Variants in SPIDR observed in about 807,000 individuals in gnomAD.
SPIDR encodes the protein DNA repair-scaffolding protein.
SPIDR carries 93 observed loss-of-function variants against 104.6 expected under a neutral mutation model. The observed-to-expected ratio is 0.89, with a 90% CI of 0.75 to 1.06. SPIDR has a LOEUF of 1.06. Among genes scored for constraint, SPIDR ranks in the 50% least tolerant of loss-of-function variants. SPIDR has a pLI of 0.00. For synonymous variants in SPIDR, 431 were observed against 416.9 expected (o/e 1.03, Z -0.41); for missense variants, 1,154 against 1,111.2 (o/e 1.04, Z -0.55).
intron 8 of SPIDR, among the ~76,000 whole-genome samples, chr8:47,466,690 G>A (rs568691878): frequency 1.0e-4 from 15 of 145,152 alleles, no homozygotes; most frequent in Admixed American, 2.0e-4. Context: ...GTGAAACCCC[G>A]TCTCTACGAA....
At chr8:47,486,965 ACAT>A (rs782070957) in intron 8 of SPIDR, among the ~76,000 whole-genome samples, 10 of 152,222 alleles carry the variant, frequency 6.6e-5, no homozygotes, top group Admixed American at 1.3e-4. Flanking sequence ...TAACCAGCTA[ACAT>A]CATAATGACA....
At chr8:47,280,284 C>T (rs1484681812) in intron 2 of SPIDR, among the ~76,000 whole-genome samples, 1 of 151,088 alleles carries the variant, frequency 6.6e-6, no homozygotes, top group Non-Finnish European at 1.5e-5. Context: ...CACTTTGTTG[C>T]CCAGGCTGGA....
intron 19 of SPIDR, among the ~76,000 whole-genome samples, chr8:47,733,264 G>A (rs1253355995): frequency 6.6e-6 from 1 of 152,170 alleles, no homozygotes; most frequent in African/African-American, 2.4e-5. Flanking sequence ...GTGCGCACCT[G>A]TAATCCCAGC....
At chr8:47,514,714 A>G (rs926481097) in intron 8 of SPIDR, among the ~76,000 whole-genome samples, 1 of 152,196 alleles carries the variant, frequency 6.6e-6, no homozygotes, top group Non-Finnish European at 1.5e-5. Flanking sequence ...TAAGGGAAAT[A>G]TAAGTATTTA....
intron 16 of SPIDR, among the ~76,000 whole-genome samples, chr8:47,715,085 AC>A (rs1202664980): frequency 6.9e-6 from 1 of 143,896 alleles, no homozygotes; most frequent in African/African-American, 2.6e-5. Context: ...GTTACCACCC[AC>A]CCTCCCACAC....
At chr8:47,691,846 G>A (rs948759613) in intron 11 of SPIDR, among the ~76,000 whole-genome samples, 2 of 152,172 alleles carry the variant, frequency 1.3e-5, no homozygotes, top group South Asian at 2.1e-4. Context: ...AAAAGGAAGC[G>A]CAACCACTCC....
chr8:47,321,573 G>T (rs986553282), intron 5 of SPIDR, among the ~76,000 whole-genome samples: 14 of 151,998 alleles, frequency 9.2e-5, no homozygotes, highest in East Asian at 1.9e-4. Flanking sequence ...ATGACTTTCT[G>T]CACAGAATTG....
chr8:47,386,902 G>GAGATATAT (rs2059985833), intron 5 of SPIDR, among the ~76,000 whole-genome samples: 2 of 99,336 alleles, frequency 2.0e-5, no homozygotes, highest in South Asian at 3.1e-4. Context: ...AAGAGAGAGA[G>GAGATATAT]AGATATAGAT....
Position 47,599,058 on chromosome 8 carries a change from T to C in SPIDR, c.1406T>C (p.Val469Ala). The change falls in exon 10 of 20, where the codon GTG becomes GCG. Residue 469 changes from valine (V) to alanine (A), a missense_variant. Transcript: ENST00000297423. The part of the protein sequence containing the change: ...TPLRDSLLDV[V>A]ESQGAASWPG... ...CTGAGGGATTCTCTCCTGGATGTGGTGGAAAGCCAGGGAGCTGCCTCGTGG... is the reference window on the plus strand; with the variant it reads ...CTGAGGGATTCTCTCCTGGATGTGGCGGAAAGCCAGGGAGCTGCCTCGTGG... 1 of 1,612,930 alleles carries C rather than the reference T, an allele frequency of 6.2e-7. No homozygotes were observed. The highest frequency in any genetic ancestry group is 8.5e-7 in the Non-Finnish European group (1 of 1,179,452).
At chr8:47,444,327 G>A (rs959624292) in intron 8 of SPIDR, among the ~76,000 whole-genome samples, 3 of 152,176 alleles carry the variant, frequency 2.0e-5, no homozygotes, top group Non-Finnish European at 4.4e-5. Flanking sequence ...CAGGTGAGAG[G>A]TTAAGTGTGT....
chr8:47,632,604 G>A (rs527399122), intron 10 of SPIDR, among the ~76,000 whole-genome samples: 2 of 151,752 alleles, frequency 1.3e-5, no homozygotes, highest in African/African-American at 4.8e-5. Flanking sequence ...AAAGAATGTC[G>A]GCAAACTCTA....
intron 8 of SPIDR, among the ~76,000 whole-genome samples, chr8:47,564,320 G>A (rs1175438225): frequency 6.6e-6 from 1 of 151,874 alleles, no homozygotes; most frequent in African/African-American, 2.4e-5. Context: ...TTTGTGATCT[G>A]CCCGGCTCAG....
intron 9 of SPIDR, among the ~76,000 whole-genome samples, 167 bp from the exon 10 acceptor site, chr8:47,598,779 T>C (rs2061914530): frequency 1.3e-5 from 2 of 152,204 alleles, no homozygotes; most frequent in Non-Finnish European, 2.9e-5. Context: ...CAGAGCCCCA[T>C]GCCACAAGTT....
chr8:47,275,684 C>T (rs1239061272), intron 1 of SPIDR, among the ~76,000 whole-genome samples: 1 of 152,090 alleles, frequency 6.6e-6, no homozygotes, highest in African/African-American at 2.4e-5. Context: ...TCAGAAGACT[C>T]TAATAGGGTA....
At chr8:47,446,570 A>G (rs1241005560) in intron 8 of SPIDR, among the ~76,000 whole-genome samples, 2 of 151,514 alleles carry the variant, frequency 1.3e-5, no homozygotes, top group East Asian at 3.9e-4. Context: ...TAACTGCCAT[A>G]GATAATGATT....
At chr8:47,486,938 TTAAC>T (rs782020625) in intron 8 of SPIDR, among the ~76,000 whole-genome samples, 59 of 152,152 alleles carry the variant, frequency 3.9e-4, no homozygotes, top group Non-Finnish European at 7.9e-4. Context: ...AGAAACTGCA[TTAAC>T]TAACGAGCAA....
chr8:47,410,043 A>T (rs541186606), intron 7 of SPIDR, among the ~76,000 whole-genome samples: 1 of 152,074 alleles, frequency 6.6e-6, no homozygotes, highest in East Asian at 1.9e-4. Context: ...AAATACAAAA[A>T]ACTCCTTTCC....
At chr8:47,653,496 G>A (rs58885963) in intron 10 of SPIDR, among the ~76,000 whole-genome samples, 14 of 130,202 alleles carry the variant, frequency 1.1e-4, no homozygotes, top group African/African-American at 3.7e-4. Flanking sequence ...CTCCTTCCTC[G>A]CTCCCTCTTT....
At chr8:47,635,573 C>G (rs2067778400) in intron 10 of SPIDR, among the ~76,000 whole-genome samples, 3 of 152,050 alleles carry the variant, frequency 2.0e-5, no homozygotes, top group African/African-American at 4.8e-5. Flanking sequence ...ACAGATTGCC[C>G]TGGCCAGGCG....
Sources: allele counts gnomAD v4.1 joint callset (sites outside exome capture counted in the v4.1 genomes callset), GRCh38; gene constraint gnomAD v4.1.1; transcripts MANE v1.5; gene names NCBI Gene and HGNC (gene_info 2026-07-23, HGNC 2026-07-21).